NAALADL2: variants seen among roughly 807,000 people sequenced by gnomAD.
NAALADL2 encodes N-acetylated alpha-linked acidic dipeptidase like 2.
NAALADL2 carries 76 observed loss-of-function variants against 87.2 expected under a neutral mutation model. That is an observed-to-expected ratio of 0.87 (90% CI 0.72 to 1.05). NAALADL2 has a LOEUF of 1.05. Ranked by LOEUF, NAALADL2 falls within the 50% of genes least tolerant of loss-of-function variation. The probability of loss-of-function intolerance (pLI) is 0.00; values close to 1 mark genes in which losing one functional copy is unlikely to be tolerated. For missense variants in NAALADL2, 1,089 were observed against 945.8 expected (o/e 1.15, Z -1.99); for synonymous variants, 354 against 331.0 (o/e 1.07, Z -0.75).
intron 2 of NAALADL2, among the ~76,000 whole-genome samples, chr3:174,659,245 TC>T (rs1162727055): frequency 2.6e-5 from 4 of 152,186 alleles, no homozygotes; most frequent in Admixed American, 6.5e-5. Context: ...AAAACTATGT[TC>T]CCTCGTTTAT....
At chr3:175,729,159 T>G (rs1743329902) in intron 11 of NAALADL2, among the ~76,000 whole-genome samples, 1 of 152,168 alleles carries the variant, frequency 6.6e-6, no homozygotes. Flanking sequence ...TTTAACTTCT[T>G]TTTCCAATTG....
At chr3:174,635,898 A>G (rs1722597879) in intron 2 of NAALADL2, among the ~76,000 whole-genome samples, 1 of 152,154 alleles carries the variant, frequency 6.6e-6, no homozygotes, top group Non-Finnish European at 1.5e-5. Context: ...ATGTGATGTG[A>G]GAGATAGTCA....
chr3:175,492,324 T>G (rs1728218263), intron 9 of NAALADL2, among the ~76,000 whole-genome samples: 1 of 152,176 alleles, frequency 6.6e-6, no homozygotes, highest in South Asian at 2.1e-4. Context: ...AGTGCTGAAA[T>G]GAAGCCCTTG....
Position 175,765,656 on chromosome 3 carries a change from A to C in NAALADL2, c.2189+10238A>C, listed in dbSNP as rs2150160663. Among the ~76,000 whole-genome samples, 2 of 152,210 alleles carry C rather than the reference A, an allele frequency of 1.3e-5. 1 individual carries two copies. The highest frequency in any genetic ancestry group is 4.1e-4 in the South Asian group (2 of 4,824). ...TGTATTCTCATTTAAAGTGAGAAAA[A>C]ATTACTGTTGTCATATTTGCAAGTC... is the stretch of plus-strand genomic sequence containing the variant. On this transcript the variant is annotated intron_variant, in intron 13 of 13. Coordinates refer to ENST00000454872, the MANE Select transcript of NAALADL2 (RefSeq NM_207015.3).
chr3:175,545,639 G>A (rs1713183353), intron 9 of NAALADL2, among the ~76,000 whole-genome samples: 1 of 152,056 alleles, frequency 6.6e-6, no homozygotes, highest in Non-Finnish European at 1.5e-5. Flanking sequence ...TTATTATCAT[G>A]CTGTTTAGAT....
intron 9 of NAALADL2, among the ~76,000 whole-genome samples, chr3:175,499,169 T>C (rs926543385): frequency 6.6e-6 from 1 of 152,086 alleles, no homozygotes; most frequent in African/African-American, 2.4e-5. Context: ...GTGTGATAGA[T>C]TTGTTAATAT....
At chr3:175,213,025 C>G (rs931697086) in intron 2 of NAALADL2, among the ~76,000 whole-genome samples, 1 of 152,002 alleles carries the variant, frequency 6.6e-6, no homozygotes, top group African/African-American at 2.4e-5. Flanking sequence ...TCAGTGCAAG[C>G]CTAAAATAGA....
chr3:174,546,509 C>T (rs942400144), intron 1 of NAALADL2, among the ~76,000 whole-genome samples: 20 of 152,092 alleles, frequency 1.3e-4, no homozygotes, highest in African/African-American at 4.3e-4. Context: ...CTTGCTGAAC[C>T]CCCCCAGGGG....
At chr3:175,394,116 A>G (rs1217492964) in intron 5 of NAALADL2, among the ~76,000 whole-genome samples, 1 of 152,212 alleles carries the variant, frequency 6.6e-6, no homozygotes, top group Non-Finnish European at 1.5e-5. Context: ...TTCCTGAGGA[A>G]AAAGAAAATC....
intron 1 of NAALADL2, among the ~76,000 whole-genome samples, chr3:174,918,015 T>C (rs982306127): frequency 1.3e-5 from 2 of 152,264 alleles, no homozygotes; most frequent in African/African-American, 4.8e-5. Flanking sequence ...GAAAATAAAA[T>C]GTTCTTTTTA....
chr3:174,969,172 C>T (rs527802807), intron 1 of NAALADL2, among the ~76,000 whole-genome samples: 6 of 152,174 alleles, frequency 3.9e-5, no homozygotes, highest in African/African-American at 1.4e-4. Flanking sequence ...TGGTGAACTT[C>T]ATTTTATTTC....
At chr3:175,227,773 G>T (rs1228916570) in intron 2 of NAALADL2, among the ~76,000 whole-genome samples, 2 of 152,006 alleles carry the variant, frequency 1.3e-5, no homozygotes, top group Middle Eastern at 3.4e-3. Context: ...GTAAGACTGT[G>T]TCAAAGAAGG....
intron 5 of NAALADL2, among the ~76,000 whole-genome samples, chr3:175,344,401 A>T (rs1049498059): frequency 1.3e-5 from 2 of 151,416 alleles, no homozygotes; most frequent in Non-Finnish European, 2.9e-5. Flanking sequence ...TCTGGTTTCT[A>T]CATTTACACA....
intron 1 of NAALADL2, among the ~76,000 whole-genome samples, chr3:174,445,000 C>A (rs1397995284): frequency 6.6e-6 from 1 of 151,320 alleles, no homozygotes; most frequent in African/African-American, 2.4e-5. Flanking sequence ...GGAAATGGAA[C>A]CTTGTTTGAG....
At chr3:175,520,050 T>C (rs1473742301) in intron 9 of NAALADL2, among the ~76,000 whole-genome samples, 1 of 152,142 alleles carries the variant, frequency 6.6e-6, no homozygotes, top group Non-Finnish European at 1.5e-5. Context: ...GTTTCTATTA[T>C]AATAGATAAT....
chr3:174,637,087 CAT>C (rs1465994251), intron 2 of NAALADL2, among the ~76,000 whole-genome samples: 2 of 152,022 alleles, frequency 1.3e-5, no homozygotes, highest in African/African-American at 4.8e-5. Flanking sequence ...ATAAGTATCA[CAT>C]GTTCTCATTA....
intron 1 of NAALADL2, among the ~76,000 whole-genome samples, chr3:174,445,535 G>A (rs564302363): frequency 1.3e-5 from 2 of 152,018 alleles, no homozygotes; most frequent in African/African-American, 4.8e-5. Flanking sequence ...TTTTTTACGT[G>A]GTACATTCAA....
rs151189850 is a variant in NAALADL2, at chr3:175,622,968, A to T, written c.1801-4323A>T. On this transcript the variant is annotated intron_variant, in intron 10 of 13. Coordinates refer to ENST00000454872, the MANE Select transcript of NAALADL2 (RefSeq NM_207015.3). ...TAACCTAGATCCCATTAAAAAGGTG[A>T]TAAGAAGATGTTGTGAACAATTTGA... Among the ~76,000 whole-genome samples the T allele has an allele frequency of 4.7e-3, 721 of 152,196 alleles. 18 individuals carry two copies. Among genetic ancestry groups the T allele is most frequent in the East Asian group, 1.5e-3 (8 of 5,170 alleles).
chr3:175,052,389 C>T (rs144087467), intron 1 of NAALADL2, among the ~76,000 whole-genome samples: 1,558 of 152,270 alleles, frequency 0.01, 24 homozygotes, highest in African/African-American at 0.036. Context: ...GTGGGGGGGC[C>T]TGTTTCCCAA....
Sources: allele counts gnomAD v4.1 joint callset (sites outside exome capture counted in the v4.1 genomes callset), GRCh38; gene constraint gnomAD v4.1.1; transcripts MANE v1.5; gene names NCBI Gene and HGNC (gene_info 2026-07-23, HGNC 2026-07-21).